Variants in NOD1 observed in about 807,000 individuals in gnomAD.
NOD1 encodes nucleotide-binding oligomerization domain-containing protein 1.
NOD1 carries 70 observed loss-of-function variants against 81.2 expected under a neutral mutation model. The ratio of observed to expected loss-of-function variants is 0.86; its 90% confidence interval spans 0.71 to 1.05. NOD1 has a LOEUF of 1.05. Among genes scored for constraint, NOD1 ranks in the 50% least tolerant of loss-of-function variants. The pLI is 0.00. For synonymous variants in NOD1, 508 were observed against 526.9 expected (o/e 0.96, Z 0.49); for missense variants, 1,233 against 1,228.0 (o/e 1.00, Z -0.06).
intron 9 of NOD1, among the ~76,000 whole-genome samples, chr7:30,445,385 A>T (rs1040790877): frequency 9.9e-5 from 15 of 151,982 alleles, no homozygotes; most frequent in African/African-American, 3.4e-4. Context: ...CATAGAAGCA[A>T]GCCAGTGTCT....
intron 1 of NOD1, among the ~76,000 whole-genome samples, chr7:30,464,936 T>C (rs1052559787): frequency 6.6e-6 from 1 of 152,140 alleles, no homozygotes; most frequent in African/African-American, 2.4e-5. Flanking sequence ...CAACCCTAGG[T>C]GCCAGGGGTC....
intron 1 of NOD1, among the ~76,000 whole-genome samples, chr7:30,477,512 TTTTG>T (rs551344170): frequency 2.1e-4 from 32 of 152,130 alleles, no homozygotes; most frequent in Non-Finnish European, 2.8e-4. Context: ...TTTTTTTGTT[TTTTG>T]TTTGTTTGTT....
chr7:30,433,082 G>T lies in NOD1; in HGVS notation c.2705+14C>A. 6.3e-7 allele frequency: 1 copy of T among 1,578,590 alleles called. No individual in the cohort carries two copies. On this transcript the variant is annotated intron_variant, in intron 12 of 13. Transcript: ENST00000222823. ...AAGTAGCACAGTCTGAAATTGTAAG[G>T]CTCTCTGAGTTACCATAAATGCTTT... is the stretch of plus-strand genomic sequence containing the variant.
At chr7:30,454,406 T>A (rs7789045) in intron 5 of NOD1, among the ~76,000 whole-genome samples, 88,588 of 152,092 alleles carry the variant, frequency 0.58, 28,210 homozygotes, top group African/African-American at 0.86. Flanking sequence ...CTCTTCCAGC[T>A]GACTTGAAGC....
At chr7:30,433,379 C>G in intron 11 of NOD1, 200 bp from the exon 12 acceptor site, 1 of 564,708 alleles carries the variant, frequency 1.8e-6, no homozygotes, top group South Asian at 2.3e-5. Flanking sequence ...TAATGCAAAT[C>G]CTGTACCTGG....
chr7:30,466,325 G>A (rs953568154), intron 1 of NOD1, among the ~76,000 whole-genome samples: 4 of 152,070 alleles, frequency 2.6e-5, no homozygotes, highest in Admixed American at 6.5e-5. Flanking sequence ...CTTTGGGTAG[G>A]AGGCTTTTAG....
intron 10 of NOD1, among the ~76,000 whole-genome samples, chr7:30,437,240 G>A (rs1348833712): frequency 1.3e-5 from 2 of 152,092 alleles, no homozygotes; most frequent in African/African-American, 4.8e-5. Context: ...GGGGGCAAGG[G>A]GAGGGCAAGC....
intron 3 of NOD1, among the ~76,000 whole-genome samples, chr7:30,458,843 T>C (rs991447888): frequency 4.0e-5 from 6 of 151,876 alleles, no homozygotes; most frequent in African/African-American, 7.3e-5. Context: ...CTCAAGCAAT[T>C]CTCCTGCATC....
intron 10 of NOD1, among the ~76,000 whole-genome samples, chr7:30,436,610 G>C (rs917257597): frequency 1.3e-5 from 2 of 152,202 alleles, no homozygotes; most frequent in Non-Finnish European, 2.9e-5. Flanking sequence ...CTCTTTTCCA[G>C]CATCATCCTG....
rs773968362 is a variant in NOD1 at position 30,452,719 on chromosome 7, T to C, written c.698A>G (p.His233Arg). 2.9e-5 allele frequency: 47 copies of C among 1,613,828 alleles called. No homozygotes were observed. Among genetic ancestry groups the C allele is most frequent in the Non-Finnish European group, 4.0e-5 (47 of 1,180,020 alleles). Residue 233 changes from histidine (H) to arginine (R), a missense_variant, in exon 6 of 14, where the codon CAC (histidine) becomes CGC (arginine). Coordinates refer to ENST00000222823, the MANE Select transcript of NOD1 (RefSeq NM_006092.4). The stretch of plus-strand genomic sequence containing the variant: ...GCAGCTGAACATGCGGCAGCGAAAG[T>C]GGAAGAAGAATTTGACCCCTGCGTC... ...RLDAGVKFFF[H>R]FRCRMFSCFK...
In NOD1 at chr7:30,447,055, A is replaced by G. The variant is rs1392364270; in HGVS notation, c.2286-5T>C. 2 of 1,613,830 alleles carry G rather than the reference A, an allele frequency of 1.2e-6. No homozygotes were observed. The highest frequency in any genetic ancestry group is 1.7e-5 in the Admixed American group (1 of 59,988). Reference sequence around the variant, plus strand: ...GTGATCTGGTTGTTGTATAAACTTCAAGAGAAAGCACAGCCATGAGACTTT... The same window carrying G: ...GTGATCTGGTTGTTGTATAAACTTCGAGAGAAAGCACAGCCATGAGACTTT... On this transcript the variant is annotated splice_region_variant and splice_polypyrimidine_tract_variant and intron_variant, in intron 7 of 13. Transcript: ENST00000222823.
intron 6 of NOD1, among the ~76,000 whole-genome samples, chr7:30,450,026 T>C (rs1197226496): frequency 6.6e-6 from 1 of 152,198 alleles, no homozygotes; most frequent in Non-Finnish European, 1.5e-5. Flanking sequence ...AACCCCGTCC[T>C]ACTAAAAATA....
intron 9 of NOD1, among the ~76,000 whole-genome samples, 184 bp downstream of exon 9, chr7:30,445,957 C>T (rs919432355): frequency 3.3e-5 from 5 of 151,580 alleles, no homozygotes; most frequent in Non-Finnish European, 5.9e-5. Flanking sequence ...GGAGGGGGAC[C>T]GGGGAGTTAT....
At chr7:30,466,564 G>T (rs1787713353) in intron 1 of NOD1, among the ~76,000 whole-genome samples, 2 of 152,138 alleles carry the variant, frequency 1.3e-5, no homozygotes, top group Non-Finnish European at 2.9e-5. Flanking sequence ...GGAGGCCGAG[G>T]CAGGAGGATC....
chr7:30,452,121 A>G lies in NOD1; in HGVS notation c.1296T>C (p.His432=), dbSNP rs1785797594. The change falls in exon 6 of 14, where the codon CAT becomes CAC. Residue 432 remains histidine, a synonymous_variant. Coordinates refer to ENST00000222823, the MANE Select transcript of NOD1 (RefSeq NM_006092.4). ...TDVFLLVTEV[H]LNRMQPSSLV... is the part of the protein sequence containing the mutation. ...GGCTGCTGGGCTGCATCCTGTTCAG[A>G]TGGACCTCAGTGACCAGGAGGAAGA... The G allele has an allele frequency of 6.2e-7, 1 of 1,613,928 alleles. No individual in the cohort carries two copies. The highest frequency in any genetic ancestry group is 8.5e-7 in the Non-Finnish European group (1 of 1,180,016).
In NOD1 at chr7:30,456,926, A is replaced by G; in HGVS notation, c.-5T>C. The G allele has an allele frequency of 1.2e-6, 2 of 1,613,656 alleles. No homozygotes were observed. Among genetic ancestry groups the G allele is most frequent in the Non-Finnish European group, 1.7e-6 (2 of 1,179,566 alleles). ...ACTGTGGCCCTGCTCTTCCATAGTT[A>G]AAGTAGCAAGCGGCTACTTTTCCCA... On this transcript the variant is annotated 5_prime_UTR_variant, in exon 4 of 14. Transcript: ENST00000222823.
intron 6 of NOD1, among the ~76,000 whole-genome samples, chr7:30,450,201 A>G (rs111284102): frequency 0.024 from 3,635 of 151,168 alleles, 69 homozygotes; most frequent in Middle Eastern, 0.079. Context: ...TTGGGGGAGA[A>G]AAAAAAAAGA....
At chr7:30,454,190 G>A (rs1348698758) in intron 5 of NOD1, among the ~76,000 whole-genome samples, 1 of 152,216 alleles carries the variant, frequency 6.6e-6, no homozygotes, top group Non-Finnish European at 1.5e-5. Context: ...TTGTGCTTCT[G>A]TTTCCAACAA....
chr7:30,473,215 G>C (rs535898712), intron 1 of NOD1, among the ~76,000 whole-genome samples: 1 of 152,192 alleles, frequency 6.6e-6, no homozygotes, highest in Non-Finnish European at 1.5e-5. Context: ...CACTGACCCA[G>C]ACCTCAGGGA....
Sources: gnomAD v4.1 joint callset for allele counts (sites outside exome capture counted in the v4.1 genomes callset) on GRCh38, gnomAD v4.1.1 for gene constraint, MANE v1.5 for transcripts, NCBI Gene and HGNC (gene_info 2026-07-23, HGNC 2026-07-21) for gene names.